ANO1: variants seen among roughly 807,000 people sequenced by gnomAD.
ANO1 encodes the protein anoctamin-1.
A neutral mutation model predicts 124.0 loss-of-function variants in ANO1; 59 were observed. That is an observed-to-expected ratio of 0.48 (90% CI 0.39 to 0.59). ANO1 has a LOEUF of 0.59. Ranked by LOEUF, ANO1 falls within the 20% of genes least tolerant of loss-of-function variation. The pLI is 0.00. For synonymous variants in ANO1, 529 were observed against 532.0 expected (o/e 0.99, Z 0.08); for missense variants, 1,059 against 1,328.0 (o/e 0.80, Z 3.15).
chr11:70,153,269 C>T (rs921459401), intron 14 of ANO1, 141 bp downstream of exon 14: 22 of 737,560 alleles, frequency 3.0e-5, no homozygotes, highest in African/African-American at 2.8e-4. Context: ...GCCATGGTAG[C>T]GGCAAAAGGA....
rs758284132 is a variant in ANO1, at chr11:70,182,543, G to A, written c.2445G>A (p.Leu815=). The A allele has an allele frequency of 6.8e-6, 11 of 1,609,126 alleles. No individual in the cohort carries two copies. Among genetic ancestry groups the A allele is most frequent in the African/African-American group, 1.3e-5 (1 of 74,720 alleles). Reference sequence around the variant, plus strand: ...TCACGTCTGACTTCATCCCGCGCCTGGTGTACCTCTACATGTACAGTAAGA... The same window carrying A: ...TCACGTCTGACTTCATCCCGCGCCTAGTGTACCTCTACATGTACAGTAAGA... ...ISFTSDFIPR[L]VYLYMYSKNG... The change falls in exon 24 of 26, where the codon CTG becomes CTA. Residue 815 remains leucine, a synonymous_variant. Transcript: ENST00000355303.
the ANO1 span, among the ~76,000 whole-genome samples, chr11:69,970,079 G>A: frequency 6.6e-6 from 1 of 152,214 alleles, no homozygotes; most frequent in Non-Finnish European, 1.5e-5. Context: ...CAATTGCAGG[G>A]GTGAGGGTGA....
chr11:69,980,483 T>A, the ANO1 span, among the ~76,000 whole-genome samples: 1 of 150,604 alleles, frequency 6.6e-6, no homozygotes, highest in East Asian at 2.0e-4. Flanking sequence ...TAGCCGGGCG[T>A]GGTGGTGGGC....
chr11:70,180,167 G>A, intron 23 of ANO1, 111 bp downstream of exon 23: 2 of 979,106 alleles, frequency 2.0e-6, no homozygotes, highest in East Asian at 2.4e-5. Context: ...TAGCCATGGT[G>A]CAGCCCCAGG....
intron 18 of ANO1, among the ~76,000 whole-genome samples, chr11:70,162,389 G>A (rs2048087279): frequency 1.3e-5 from 2 of 152,156 alleles, no homozygotes; most frequent in African/African-American, 4.8e-5. Context: ...AACCCCAGAA[G>A]CCAGCTCCAG....
intron 22 of ANO1, among the ~76,000 whole-genome samples, chr11:70,173,364 T>C (rs2048548553): frequency 6.6e-6 from 1 of 152,138 alleles, no homozygotes; most frequent in East Asian, 1.9e-4. Flanking sequence ...CTTCTCTGGG[T>C]GACCCAGGTA....
intron 1 of ANO1, among the ~76,000 whole-genome samples, chr11:70,052,531 C>CTTTTTTTTTTTTTTTTTTTTTTTTTTT (rs200770702): frequency 3.0e-5 from 2 of 65,932 alleles, no homozygotes; most frequent in Non-Finnish European, 6.7e-5. Context: ...TTTTTCTTTT[C>CTTTTTTTTTTTTTTTTTTTTTTTTTTT]TTTTTTTTTT....
intron 22 of ANO1, among the ~76,000 whole-genome samples, chr11:70,177,236 C>T (rs1216849164): frequency 6.6e-6 from 1 of 152,254 alleles, no homozygotes; most frequent in African/African-American, 2.4e-5. Context: ...CCAGGCCCAC[C>T]GCACCTCAGC....
chr11:70,078,232 A>T (rs1293012682), upstream of ANO1: 1 of 153,212 alleles, frequency 6.5e-6, no homozygotes, highest in Non-Finnish European at 1.5e-5. Context: ...TTAAATTTCT[A>T]CGGAAAATCT....
intron 25 of ANO1, 24 bp from the exon 26 acceptor site, chr11:70,187,714 G>T: frequency 6.3e-7 from 1 of 1,594,108 alleles, no homozygotes. Flanking sequence ...CCTCCCTTCT[G>T]CCACGCGTTG....
chr11:69,966,464 G>A, the ANO1 span, among the ~76,000 whole-genome samples: 17 of 152,194 alleles, frequency 1.1e-4, no homozygotes, highest in Non-Finnish European at 1.5e-4. Context: ...TCCAGCCCCC[G>A]CCACGCCACC....
chr11:70,166,514 C>T (rs926076010), intron 20 of ANO1, among the ~76,000 whole-genome samples: 18 of 152,236 alleles, frequency 1.2e-4, no homozygotes, highest in Admixed American at 1.0e-3. Context: ...CTCGTTGTTA[C>T]CTTGTACCCT....
At chr11:70,140,846 A>G (rs528801795) in intron 11 of ANO1, among the ~76,000 whole-genome samples, 1 of 152,318 alleles carries the variant, frequency 6.6e-6, no homozygotes, top group South Asian at 2.1e-4. Context: ...TGCTTAGTAA[A>G]CATTATCAAT....
At chr11:70,178,105 C>G (rs1468034998) in intron 22 of ANO1, among the ~76,000 whole-genome samples, 1 of 152,162 alleles carries the variant, frequency 6.6e-6, no homozygotes, top group East Asian at 1.9e-4. Context: ...CAGCACCCAC[C>G]TTATGTGCCA....
rs1208621911 is a variant in ANO1, at chr11:70,038,797, A to C, written c.59-39745A>C. The stretch of plus-strand genomic sequence containing the variant: ...TGAGCCAAGGTAGGAAAAACCTCAG[A>C]GGAGCAGTAAAGTACTTCCTTGATG... On this transcript the variant is annotated intron_variant, in intron 1 of 27. Transcript: ENST00000531349. Among the ~76,000 whole-genome samples the C allele has an allele frequency of 2.0e-5, 3 of 152,336 alleles. No homozygotes were observed. In the East Asian group the frequency reaches 5.8e-4, roughly 29 times the overall value.
rs59754818 is a variant in ANO1, at chr11:70,174,920, A to AAAAAGAAAAGAAAAGAAAAGAAAAG, written c.2350+3884_2350+3908dup. Among the ~76,000 whole-genome samples the AAAAAGAAAAGAAAAGAAAAGAAAAG allele has an allele frequency of 5.6e-3, 836 of 149,924 alleles. 1 individual carries two copies. Among genetic ancestry groups the AAAAAGAAAAGAAAAGAAAAGAAAAG allele is most frequent in the African/African-American group, 0.012 (470 of 40,740 alleles). ...CAGGTACAGCTAAAAAAAGAAAAGA[A>AAAAAGAAAAGAAAAGAAAAGAAAAG]AAAAGAAAAGAAAAGAAAAGAAAAG... On this transcript the variant is annotated intron_variant, in intron 22 of 25. Transcript: ENST00000355303.
rs1332806919 is a variant in ANO1, at chr11:70,170,465, G to A, written c.2198-422G>A. On this transcript the variant is annotated intron_variant, in intron 21 of 25. Coordinates refer to ENST00000355303, the MANE Select transcript of ANO1 (RefSeq NM_018043.7). Reference sequence around the variant, plus strand: ...AAATTAAGCAGTCATAGTGGTGCATGCCTGTGGTCCCAGCTACCCGGGAGG... The same window carrying A: ...AAATTAAGCAGTCATAGTGGTGCATACCTGTGGTCCCAGCTACCCGGGAGG... Among the ~76,000 whole-genome samples, 11 of 152,326 alleles carry A rather than the reference G, an allele frequency of 7.2e-5. No homozygotes were observed. In the East Asian group the frequency reaches 1.7e-3, roughly 24 times the overall value.
chr11:70,026,956 G>C (rs1856919123), intron 1 of ANO1, among the ~76,000 whole-genome samples: 1 of 152,056 alleles, frequency 6.6e-6, no homozygotes, highest in Admixed American at 6.6e-5. Context: ...CCTCTTCCTG[G>C]GACACTTTTC....
Position 70,095,285 on chromosome 11 carries a change from A to T in ANO1, c.441+7201A>T, listed in dbSNP as rs2044826031. Among the ~76,000 whole-genome samples, 2 of 111,866 alleles carry T rather than the reference A, an allele frequency of 1.8e-5. 1 individual carries two copies. The highest frequency in any genetic ancestry group is 7.4e-5 in the African/African-American group (2 of 26,872). 73.4% of individuals were successfully genotyped at this position (111,866 alleles called of 152,430 possible). ...GAAGGAAGGAAGGAAGGAAGGAAGG[A>T]AGGAAGGAAGGAAGGAAAGAAAGAA... On this transcript the variant is annotated intron_variant, in intron 2 of 25. Coordinates refer to ENST00000355303, the MANE Select transcript of ANO1 (RefSeq NM_018043.7).
Sources: gnomAD v4.1 joint callset for allele counts (sites outside exome capture counted in the v4.1 genomes callset) on GRCh38, gnomAD v4.1.1 for gene constraint, MANE v1.5 for transcripts, NCBI Gene and HGNC (gene_info 2026-07-23, HGNC 2026-07-21) for gene names.